Variants in GPATCH2 observed in about 807,000 individuals in gnomAD.
The protein encoded by GPATCH2 is G-patch domain containing 2.
Under a neutral mutation model 58.0 loss-of-function variants are expected in GPATCH2, and 51 were observed. That is an observed-to-expected ratio of 0.88 (90% CI 0.70 to 1.11). The LOEUF (loss-of-function observed/expected upper bound fraction) is 1.11. Among genes scored for constraint, GPATCH2 ranks in the 50% most tolerant of loss-of-function variants. GPATCH2 has a pLI of 0.00. For synonymous variants in GPATCH2, 222 were observed against 218.5 expected, an observed-to-expected ratio of 1.02 and a Z score of -0.14; for missense variants, 625 against 652.2, an observed-to-expected ratio of 0.96 and a Z score of 0.45.
chr1:217,458,755 T>A (rs957622690), intron 8 of GPATCH2, among the ~76,000 whole-genome samples: 15 of 152,314 alleles, frequency 9.8e-5, no homozygotes, highest in African/African-American at 3.4e-4. Context: ...GCTTTTTTCC[T>A]TCAGTCCTCT....
At chr1:217,489,266 G>A (rs1365973557) in intron 8 of GPATCH2, among the ~76,000 whole-genome samples, 3 of 151,344 alleles carry the variant, frequency 2.0e-5, no homozygotes. Flanking sequence ...ATTTGACGGG[G>A]GCAATATTTT....
chr1:217,516,608 T>C (rs1190080925), intron 5 of GPATCH2, among the ~76,000 whole-genome samples: 2 of 152,180 alleles, frequency 1.3e-5, no homozygotes, highest in Non-Finnish European at 2.9e-5. Context: ...GCCTATGTCA[T>C]GCTTTGTTAG....
At chr1:217,457,293 C>T (rs531423388) in intron 8 of GPATCH2, among the ~76,000 whole-genome samples, 115 of 152,274 alleles carry the variant, frequency 7.6e-4, no homozygotes, top group African/African-American at 2.6e-3. Flanking sequence ...GTCCGCTTAT[C>T]AATGTTTGAG....
chr1:217,506,478 G>A (rs1662569904), intron 6 of GPATCH2, among the ~76,000 whole-genome samples: 1 of 152,208 alleles, frequency 6.6e-6, no homozygotes, highest in African/African-American at 2.4e-5. Context: ...AGATGACAGA[G>A]TATTAAGAAG....
intron 5 of GPATCH2, among the ~76,000 whole-genome samples, chr1:217,595,230 T>C (rs1456947281): frequency 6.6e-6 from 1 of 152,178 alleles, no homozygotes; most frequent in Non-Finnish European, 1.5e-5. Context: ...TATTTCAATA[T>C]CATTTATAAT....
At chr1:217,561,957 A>G (rs1400288289) in intron 5 of GPATCH2, among the ~76,000 whole-genome samples, 1 of 152,170 alleles carries the variant, frequency 6.6e-6, no homozygotes, top group African/African-American at 2.4e-5. Flanking sequence ...GGTATACTGG[A>G]ATTTCAAGGA....
At chr1:217,589,306 G>A (rs1667485181) in intron 5 of GPATCH2, among the ~76,000 whole-genome samples, 1 of 149,260 alleles carries the variant, frequency 6.7e-6, no homozygotes, top group Non-Finnish European at 1.5e-5. Flanking sequence ...TTCCCCTCTA[G>A]AAGACACCAT....
intron 8 of GPATCH2, among the ~76,000 whole-genome samples, chr1:217,461,772 C>G (rs1660210663): frequency 6.6e-6 from 1 of 152,056 alleles, no homozygotes; most frequent in South Asian, 2.1e-4. Flanking sequence ...TACTTTTATT[C>G]TAAAATGTTT....
chr1:217,574,069 A>T (rs1666695556), intron 5 of GPATCH2, among the ~76,000 whole-genome samples: 1 of 152,240 alleles, frequency 6.6e-6, no homozygotes, highest in African/African-American at 2.4e-5. Context: ...ACCAAATAGG[A>T]ACCACTGTTT....
At chr1:217,592,252 T>C (rs959238743) in intron 5 of GPATCH2, among the ~76,000 whole-genome samples, 2 of 152,020 alleles carry the variant, frequency 1.3e-5, no homozygotes, top group African/African-American at 4.8e-5. Context: ...AGTTACCAGT[T>C]TGAGTCAAAT....
At chr1:217,616,150 G>A (rs1473098480) in intron 2 of GPATCH2, among the ~76,000 whole-genome samples, 1 of 152,006 alleles carries the variant, frequency 6.6e-6, no homozygotes, top group East Asian at 1.9e-4. Flanking sequence ...TGGGATATAT[G>A]GGAATGTGAT....
In GPATCH2 at chr1:217,475,165, G is replaced by A. The variant is rs147508016; in HGVS notation, c.1277+16515C>T. ...TCAAAGAAACAAGAGAAGGCTCGGCGCGGTGGCTCATGCTTGCAATCTCAG... is the reference window on the plus strand; with the variant it reads ...TCAAAGAAACAAGAGAAGGCTCGGCACGGTGGCTCATGCTTGCAATCTCAG... On this transcript the variant is annotated intron_variant, in intron 8 of 9. Coordinates refer to ENST00000366935, the MANE Select transcript of GPATCH2 (RefSeq NM_018040.5). Among the ~76,000 whole-genome samples the A allele has an allele frequency of 4.0e-3, 603 of 152,282 alleles. 1 individual carries two copies. Among genetic ancestry groups the A allele is most frequent in the Admixed American group, 0.01 (155 of 15,290 alleles).
chr1:217,500,402 A>T (rs917958095), intron 6 of GPATCH2, among the ~76,000 whole-genome samples: 7 of 151,884 alleles, frequency 4.6e-5, no homozygotes, highest in Non-Finnish European at 7.4e-5. Context: ...GGGTGTTCAC[A>T]TCATTTCTCT....
At chr1:217,596,580 A>C (rs1328672721) in intron 5 of GPATCH2, among the ~76,000 whole-genome samples, 1 of 152,222 alleles carries the variant, frequency 6.6e-6, no homozygotes, top group Non-Finnish European at 1.5e-5. Context: ...AGCTATTATA[A>C]TGAATAGTAA....
At chr1:217,495,233 T>C (rs2102540903) in intron 7 of GPATCH2, among the ~76,000 whole-genome samples, 1 of 152,104 alleles carries the variant, frequency 6.6e-6, no homozygotes, top group East Asian at 1.9e-4. Context: ...GAACTAAGAG[T>C]TTCTGTGGCT....
intron 1 of GPATCH2, among the ~76,000 whole-genome samples, chr1:217,625,558 T>A (rs1669411139): frequency 6.6e-6 from 1 of 152,200 alleles, no homozygotes; most frequent in Admixed American, 6.5e-5. Flanking sequence ...TAATTGCTAT[T>A]CCTAATAGTG....
At chr1:217,611,759 T>C (rs1271511275) in intron 3 of GPATCH2, among the ~76,000 whole-genome samples, 1 of 152,180 alleles carries the variant, frequency 6.6e-6, no homozygotes, top group Admixed American at 6.5e-5. Flanking sequence ...AAAAGTTGAT[T>C]TTAAATGAAA....
intron 8 of GPATCH2, 31 bp from the exon 9 acceptor site, chr1:217,449,368 C>T: frequency 7.7e-7 from 1 of 1,306,732 alleles, no homozygotes. Context: ...AAACTATTAA[C>T]AAAGAAGAAA....
chr1:217,531,044 AACACAC>A (rs56751109), intron 5 of GPATCH2, among the ~76,000 whole-genome samples: 1,834 of 148,266 alleles, frequency 0.012, 47 homozygotes, highest in African/African-American at 0.043. Context: ...CAGTTACACA[AACACAC>A]ACACACACAC....
Sources: gnomAD v4.1 joint callset for allele counts (sites outside exome capture counted in the v4.1 genomes callset) on GRCh38, gnomAD v4.1.1 for gene constraint, MANE v1.5 for transcripts, NCBI Gene and HGNC (gene_info 2026-07-23, HGNC 2026-07-21) for gene names.